The following ACSBG2 variants were observed in gnomAD, a reference collection of about 807,000 sequenced individuals.
ACSBG2 encodes long-chain-fatty-acid--CoA ligase ACSBG2.
In ACSBG2, 62 loss-of-function variants were observed where a neutral mutation model predicts 74.7. That is an observed-to-expected ratio of 0.83 (90% CI 0.68 to 1.03). ACSBG2 has a LOEUF of 1.03. ACSBG2 is among the 50% of genes least tolerant of loss of function. The pLI, the probability that ACSBG2 is intolerant of heterozygous loss-of-function variation, is 0.00. For synonymous variants in ACSBG2, 309 were observed against 294.1 expected (o/e 1.05, Z -0.52); for missense variants, 730 against 817.6 (o/e 0.89, Z 1.31).
chr19:6,156,712 T>C (rs1162615852), intron 5 of ACSBG2, among the ~76,000 whole-genome samples, 161 bp downstream of exon 5: 3 of 152,088 alleles, frequency 2.0e-5, no homozygotes, highest in Non-Finnish European at 4.4e-5. Context: ...GGTGAAGCTA[T>C]TTTTGGAGAA....
At chr19:6,145,892 G>T (rs1369009441) in intron 2 of ACSBG2, among the ~76,000 whole-genome samples, 1 of 152,060 alleles carries the variant, frequency 6.6e-6, no homozygotes, top group East Asian at 1.9e-4. Context: ...GGCATTGGGG[G>T]AGAGGGGCTA....
intron 7 of ACSBG2, among the ~76,000 whole-genome samples, chr19:6,168,814 T>G (rs2145164783): frequency 6.6e-6 from 1 of 152,322 alleles, no homozygotes; most frequent in East Asian, 1.9e-4. Context: ...AGTCTTGCTC[T>G]GTCATCCAGG....
In ACSBG2 at chr19:6,182,850, G is replaced by C. The variant is rs377656710; in HGVS notation, c.1006G>C (p.Ala336Pro). ...ACATGAGATGGTGAAGAAAAATAGT[G>C]CCAAGTCCATGGGCTTGAAGAAGAA... ...KIHEMVKKNS[A>P]KSMGLKKKAF... The change falls in exon 9 of 15, where the codon GCC (alanine) becomes CCC (proline). Residue 336 changes from alanine (A) to proline (P), a missense_variant. By Grantham distance (27) the Ala-to-Pro change is conservative. Transcript: ENST00000588485. The C allele has an allele frequency of 2.8e-5, 45 of 1,614,054 alleles. No individual in the cohort carries two copies. Among genetic ancestry groups the C allele is most frequent in the Non-Finnish European group, 3.6e-5 (43 of 1,180,032 alleles).
At chr19:6,136,667 C>T (rs962498856) in intron 1 of ACSBG2, among the ~76,000 whole-genome samples, 3 of 152,134 alleles carry the variant, frequency 2.0e-5, no homozygotes, top group Admixed American at 6.6e-5. Flanking sequence ...CTGAACCCTA[C>T]ATGGCCTTTT....
At chr19:6,153,602 G>T (rs2075831245) in intron 4 of ACSBG2, among the ~76,000 whole-genome samples, 1 of 152,092 alleles carries the variant, frequency 6.6e-6, no homozygotes, top group South Asian at 2.1e-4. Context: ...TTGGGAGGCT[G>T]AGATGGGAAG....
intron 2 of ACSBG2, among the ~76,000 whole-genome samples, chr19:6,146,344 C>T (rs1403897429): frequency 6.6e-6 from 1 of 152,018 alleles, no homozygotes; most frequent in Non-Finnish European, 1.5e-5. Flanking sequence ...GTGGCGGGTG[C>T]CTGTAATCCC....
chr19:6,151,379 C>T (rs1168271680), intron 3 of ACSBG2, among the ~76,000 whole-genome samples: 1 of 152,124 alleles, frequency 6.6e-6, no homozygotes, highest in East Asian at 1.9e-4. Context: ...GCAATCATAG[C>T]TCACTGCAGC....
At chr19:6,172,098 T>C (rs1413214178) in intron 7 of ACSBG2, among the ~76,000 whole-genome samples, 1 of 152,154 alleles carries the variant, frequency 6.6e-6, no homozygotes, top group Non-Finnish European at 1.5e-5. Context: ...GAAGTGTTCT[T>C]CTAGTTTCCT....
At position 6,165,966 on chromosome 19, in the gene ACSBG2, C is replaced by A. The variant is rs542085004; in HGVS notation, c.689C>A (p.Thr230Asn). The A allele has an allele frequency of 4.3e-6, 7 of 1,614,080 alleles. No homozygotes were observed. The African/African-American group carries it at 8.0e-5, about 18-fold the overall frequency. The change falls in exon 7 of 15, where the codon ACT (threonine) becomes AAT (asparagine). Residue 230 changes from threonine (T) to asparagine (N), a missense_variant. Coordinates refer to ENST00000588485, the MANE Select transcript of ACSBG2 (RefSeq NM_030924.5). ...AATCAATGCGCAGTGCTCATCTACA[C>A]TTCAGGGACCACAGGCATACCCAAG... ...KANQCAVLIY[T>N]SGTTGIPKGV...
intron 7 of ACSBG2, chr19:6,176,048 A>AACCTCCCT: frequency 3.6e-6 from 1 of 277,892 alleles, no homozygotes; most frequent in East Asian, 5.8e-5. Context: ...GGAAGTCTGC[A>AACCTCCCT]ACCTCCCTAC....
At chr19:6,190,152 C>CT (rs2145293694) in intron 13 of ACSBG2, 1 of 178,730 alleles carries the variant, frequency 5.6e-6, no homozygotes. Flanking sequence ...GACTCAGAGG[C>CT]TTTCAATGAA....
At position 6,177,083 on chromosome 19, in the gene ACSBG2, C is replaced by T. The variant is rs1480039090; in HGVS notation, c.739-146C>T. The T allele has an allele frequency of 6.3e-6, 5 of 798,866 alleles. No homozygotes were observed. In the East Asian group the frequency reaches 1.2e-4, roughly 19 times the overall value. The allele number at this position is 798,866 out of a possible 1,614,324, so 49.5% of individuals were successfully genotyped here. ...GGCTGAGATGGGAAGATTCCTTGAACCCAGGAGTTTGAGGCTGCAGTGAGC... is the reference window on the plus strand; with the variant it reads ...GGCTGAGATGGGAAGATTCCTTGAATCCAGGAGTTTGAGGCTGCAGTGAGC... On this transcript the variant is annotated intron_variant, in intron 7 of 14. Coordinates refer to ENST00000588485, the MANE Select transcript of ACSBG2 (RefSeq NM_030924.5).
At chr19:6,156,633 T>C in intron 5 of ACSBG2, 82 bp downstream of exon 5, 1 of 1,392,710 alleles carries the variant, frequency 7.2e-7, no homozygotes, top group East Asian at 2.6e-5. Context: ...TTTTCCCAGG[T>C]AAATTCTAAT....
Position 6,183,137 on chromosome 19 carries a change from G to A in ACSBG2, c.1187G>A (p.Ser396Asn). The A allele has an allele frequency of 4.3e-6, 7 of 1,614,212 alleles. No individual in the cohort carries two copies. Among genetic ancestry groups the A allele is most frequent in the Non-Finnish European group, 5.9e-6 (7 of 1,180,046 alleles). Residue 396 changes from serine to asparagine, a missense_variant, in exon 10 of 15, where the codon AGT (serine) becomes AAT (asparagine). Transcript: ENST00000588485. ...TTGGATCACTGTCACTCTTTTATCA[G>A]TGGGACTGCGCCCCTCAACCAAGAG... ...LGLDHCHSFI[S>N]GTAPLNQETA... is the part of the protein sequence containing the mutation.
Position 6,161,206 on chromosome 19 carries a change from T to G in ACSBG2, c.508-9T>G. The G allele has an allele frequency of 1.2e-6, 2 of 1,612,782 alleles. No homozygotes were observed. Reference sequence around the variant, plus strand: ...GTTGCCATGAAGCCCACAGGGAACTTTCTTTCAGATTCCACAGAGCAGCCT... The same window carrying G: ...GTTGCCATGAAGCCCACAGGGAACTGTCTTTCAGATTCCACAGAGCAGCCT... On this transcript the variant is annotated splice_polypyrimidine_tract_variant and intron_variant, in intron 5 of 14. Transcript: ENST00000588485.
At chr19:6,154,207 G>A (rs970811738) in intron 4 of ACSBG2, among the ~76,000 whole-genome samples, 31 of 151,604 alleles carry the variant, frequency 2.0e-4, no homozygotes, top group African/African-American at 7.3e-4. Flanking sequence ...AGCCTGACCA[G>A]CATGTAGAAA....
chr19:6,156,655 G>A, intron 5 of ACSBG2, 104 bp downstream of exon 5: 10 of 1,271,370 alleles, frequency 7.9e-6, no homozygotes, highest in Non-Finnish European at 1.0e-5. Flanking sequence ...ATAAGATAGG[G>A]CCATGCATCT....
intron 7 of ACSBG2, among the ~76,000 whole-genome samples, chr19:6,166,298 G>A (rs1018412287): frequency 4.1e-5 from 6 of 148,038 alleles, no homozygotes; most frequent in Non-Finnish European, 9.0e-5. Context: ...GTGTGTGTGT[G>A]TGTGTGTGTG....
intron 1 of ACSBG2, among the ~76,000 whole-genome samples, chr19:6,136,260 T>A (rs906006994): frequency 2.0e-5 from 3 of 151,848 alleles, no homozygotes; most frequent in Non-Finnish European, 1.5e-5. Flanking sequence ...CCCGGCTAAT[T>A]TTTTGTATTT....
Sources: gnomAD v4.1 joint callset for allele counts (sites outside exome capture counted in the v4.1 genomes callset) on GRCh38, gnomAD v4.1.1 for gene constraint, MANE v1.5 for transcripts, NCBI Gene and HGNC (gene_info 2026-07-23, HGNC 2026-07-21) for gene names.